WDR70: variants seen among roughly 807,000 people sequenced by gnomAD.
WDR70 encodes the protein WD repeat domain 70.
Under a neutral mutation model 88.6 loss-of-function variants are expected in WDR70, and 53 were observed. The observed-to-expected ratio is 0.60, with a 90% CI of 0.48 to 0.75. WDR70 has a LOEUF of 0.75. Among genes scored for constraint, WDR70 ranks in the 30% least tolerant of loss-of-function variants. WDR70 has a pLI of 0.00. For synonymous variants in WDR70, 280 were observed against 270.0 expected, an observed-to-expected ratio of 1.04 and a Z score of -0.36; for missense variants, 610 against 823.2, an observed-to-expected ratio of 0.74 and a Z score of 3.17.
intron 5 of WDR70, among the ~76,000 whole-genome samples, chr5:37,424,021 T>C (rs1379686535): frequency 1.3e-5 from 2 of 149,916 alleles, no homozygotes; most frequent in African/African-American, 4.9e-5. Flanking sequence ...AGGTGGTGCA[T>C]GCTTGTAATC....
chr5:37,494,569 TAAG>T (rs374077090), intron 8 of WDR70, among the ~76,000 whole-genome samples: 1 of 152,290 alleles, frequency 6.6e-6, no homozygotes, highest in African/African-American at 2.4e-5. Flanking sequence ...ATTGAAAATT[TAAG>T]AATTCAAAAA....
At chr5:37,487,627 A>ATATATTTTTT (rs1317924512) in intron 8 of WDR70, among the ~76,000 whole-genome samples, 1 of 69,070 alleles carries the variant, frequency 1.4e-5, no homozygotes, top group African/African-American at 5.0e-5. Flanking sequence ...ATATATATGT[A>ATATATTTTTT]TTTTTTTTTT....
intron 10 of WDR70, among the ~76,000 whole-genome samples, chr5:37,656,876 A>G (rs965995343): frequency 6.6e-6 from 1 of 152,122 alleles, no homozygotes; most frequent in Non-Finnish European, 1.5e-5. Context: ...ATCTTAGCTC[A>G]CTGATCTCCA....
intron 13 of WDR70, 147 bp downstream of exon 13, chr5:37,703,234 G>C (rs1200857275): frequency 1.8e-5 from 17 of 955,154 alleles, no homozygotes; most frequent in African/African-American, 3.3e-5. Context: ...GGAGTTATCA[G>C]TATGTTGTGG....
At chr5:37,397,968 C>T (rs1382313655) in intron 5 of WDR70, among the ~76,000 whole-genome samples, 1 of 149,380 alleles carries the variant, frequency 6.7e-6, no homozygotes, top group Non-Finnish European at 1.5e-5. Context: ...TGCTCTCCAG[C>T]CTGGGTGACA....
intron 8 of WDR70, among the ~76,000 whole-genome samples, chr5:37,497,867 G>C (rs1273690319): frequency 6.6e-6 from 1 of 151,970 alleles, no homozygotes; most frequent in African/African-American, 2.4e-5. Context: ...TGTCACCCAG[G>C]CTAGAGTGCA....
intron 10 of WDR70, among the ~76,000 whole-genome samples, chr5:37,679,124 T>C (rs1407917702): frequency 6.6e-6 from 1 of 152,018 alleles, no homozygotes; most frequent in Non-Finnish European, 1.5e-5. Flanking sequence ...ATTCTAGTTA[T>C]ACATTCGTCT....
chr5:37,557,249 G>A (rs1200229007), intron 9 of WDR70, among the ~76,000 whole-genome samples: 6 of 149,400 alleles, frequency 4.0e-5, no homozygotes, highest in Admixed American at 1.3e-4. Context: ...AAAAAAAAAG[G>A]TTAGCAAAAT....
chr5:37,461,285 A>C (rs1478240803), intron 7 of WDR70, among the ~76,000 whole-genome samples: 3 of 151,856 alleles, frequency 2.0e-5, no homozygotes, highest in Admixed American at 6.6e-5. Flanking sequence ...TGCTCTTCTT[A>C]TTTACGCTCT....
At chr5:37,450,182 A>G (rs1426146652) in intron 7 of WDR70, among the ~76,000 whole-genome samples, 2 of 152,100 alleles carry the variant, frequency 1.3e-5, no homozygotes, top group African/African-American at 4.8e-5. Context: ...AGTCTTTGCT[A>G]TTGTGAACAG....
Position 37,516,290 on chromosome 5 carries a change from A to G in WDR70, c.841-224A>G, listed in dbSNP as rs183401297. On this transcript the variant is annotated intron_variant, in intron 8 of 17. Transcript: ENST00000265107. ...CCTGTTACATACAAGCACTGAGTTA[A>G]TTCCTGAGGTGGGCACAGGGTGGTA... is the stretch of plus-strand genomic sequence containing the variant. Among the ~76,000 whole-genome samples, 436 of 152,318 alleles carry G rather than the reference A, an allele frequency of 2.9e-3. 1 individual carries two copies. Among genetic ancestry groups the G allele is most frequent in the African/African-American group, 9.8e-3 (408 of 41,572 alleles).
At chr5:37,707,948 A>AAAAAATATATAT (rs1561083728) in intron 13 of WDR70, among the ~76,000 whole-genome samples, 1 of 33,772 alleles carries the variant, frequency 3.0e-5, no homozygotes. Flanking sequence ...AAAAAAAAAA[A>AAAAAATATATAT]ATATATATAT....
chr5:37,442,927 A>G (rs1298207708), intron 6 of WDR70, among the ~76,000 whole-genome samples: 1 of 152,228 alleles, frequency 6.6e-6, no homozygotes, highest in Non-Finnish European at 1.5e-5. Context: ...TTACTTGTAC[A>G]CTAAAGCAAC....
intron 9 of WDR70, among the ~76,000 whole-genome samples, chr5:37,568,273 G>A (rs2112397735): frequency 6.6e-6 from 1 of 152,258 alleles, no homozygotes; most frequent in East Asian, 1.9e-4. Flanking sequence ...GTGGTGTTTG[G>A]GAAGTGGCAG....
chr5:37,497,427 CTCTTCCCTTCCCTTCCG>C (rs1554143792), intron 8 of WDR70, among the ~76,000 whole-genome samples: 12 of 34,882 alleles, frequency 3.4e-4, no homozygotes, highest in African/African-American at 6.2e-4. Flanking sequence ...CTTCCCTTCC[CTCTTCCCTTCCCTTCCG>C]TCTTCCCTTT....
chr5:37,687,935 G>T (rs1424932023), intron 10 of WDR70: 1 of 694,448 alleles, frequency 1.4e-6, no homozygotes, highest in African/African-American at 1.7e-5. Context: ...CTGTCATATG[G>T]AACTGTCTGC....
intron 8 of WDR70, among the ~76,000 whole-genome samples, chr5:37,487,016 A>T (rs1739895471): frequency 2.0e-5 from 3 of 152,222 alleles, no homozygotes; most frequent in Non-Finnish European, 4.4e-5. Flanking sequence ...TCTCAGGCTT[A>T]TGTAGTCATC....
intron 17 of WDR70, among the ~76,000 whole-genome samples, chr5:37,742,132 GT>G (rs1748499840): frequency 6.6e-6 from 1 of 152,114 alleles, no homozygotes; most frequent in Non-Finnish European, 1.5e-5. Flanking sequence ...TCACATGGCA[GT>G]TCTATTTTTA....
intron 9 of WDR70, among the ~76,000 whole-genome samples, chr5:37,548,757 A>G (rs1172534020): frequency 6.6e-6 from 1 of 152,192 alleles, no homozygotes; most frequent in Non-Finnish European, 1.5e-5. Context: ...GTTTTCTCGT[A>G]GTATTTTCAT....
Sources: gnomAD v4.1 joint callset for allele counts (sites outside exome capture counted in the v4.1 genomes callset) on GRCh38, gnomAD v4.1.1 for gene constraint, MANE v1.5 for transcripts, NCBI Gene and HGNC (gene_info 2026-07-23, HGNC 2026-07-21) for gene names.